The following REDIC1 variants were observed in gnomAD, a reference collection of about 807,000 sequenced individuals.
REDIC1 encodes HEI10 Interacting Protein 1.
the REDIC1 span, among the ~76,000 whole-genome samples, chr12:39,767,999 C>T: frequency 6.6e-6 from 1 of 152,084 alleles, no homozygotes; most frequent in Non-Finnish European, 1.5e-5. Context: ...TTATTTATAG[C>T]AGTGTGAGAC....
chr12:39,732,862 C>CTGTCTGGCATGACAAGG, the REDIC1 span, among the ~76,000 whole-genome samples: 1 of 152,286 alleles, frequency 6.6e-6, no homozygotes, highest in African/African-American at 2.4e-5. Context: ...AGCTTCCTTG[C>CTGTCTGGCATGACAAGG]TGTCTGGCAT....
chr12:39,681,648 G>C, the REDIC1 span, among the ~76,000 whole-genome samples: 5 of 152,098 alleles, frequency 3.3e-5, no homozygotes, highest in South Asian at 1.0e-3. Context: ...ACACCAATAA[G>C]GCCCTCATTG....
the REDIC1 span, among the ~76,000 whole-genome samples, chr12:39,659,053 C>CT: frequency 6.6e-6 from 1 of 151,998 alleles, no homozygotes; most frequent in African/African-American, 2.4e-5. Flanking sequence ...GTTTGAAAGA[C>CT]TTAACATTTC....
the REDIC1 span, among the ~76,000 whole-genome samples, chr12:39,789,874 T>C: frequency 2.0e-5 from 3 of 152,162 alleles, no homozygotes; most frequent in Non-Finnish European, 4.4e-5. Flanking sequence ...CATTTTCCAA[T>C]TGGACAGTTT....
the REDIC1 span, among the ~76,000 whole-genome samples, chr12:39,636,059 T>C: frequency 6.6e-6 from 1 of 152,144 alleles, no homozygotes; most frequent in East Asian, 1.9e-4. Context: ...ATTTTTTTTC[T>C]TCTTGAACTA....
At chr12:39,636,870 T>C in the REDIC1 span, among the ~76,000 whole-genome samples, 33 of 152,204 alleles carry the variant, frequency 2.2e-4, 1 homozygote, top group South Asian at 6.4e-3. Context: ...AAAATGTACA[T>C]GTTAGTGTTT....
the REDIC1 span, among the ~76,000 whole-genome samples, chr12:39,669,895 TG>T: frequency 0.054 from 8,185 of 152,280 alleles, 254 homozygotes; most frequent in Middle Eastern, 0.092. Context: ...CTAAGACTGT[TG>T]GAAAAGCACA....
the REDIC1 span, among the ~76,000 whole-genome samples, chr12:39,771,173 C>T: frequency 2.0e-5 from 3 of 152,118 alleles, no homozygotes; most frequent in Admixed American, 6.6e-5. Flanking sequence ...TCTGCCTCTG[C>T]GGGAGAGAGA....
At chr12:39,712,175 T>TACCTGTATGTATATGTACATGTATATAC in the REDIC1 span, among the ~76,000 whole-genome samples, 1 of 144,020 alleles carries the variant, frequency 6.9e-6, no homozygotes, top group African/African-American at 2.6e-5. Context: ...CATGTATATA[T>TACCTGTATGTATATGTACATGTATATAC]ACCTGTATGT....
At chr12:39,748,151 C>T in the REDIC1 span, among the ~76,000 whole-genome samples, 3 of 152,018 alleles carry the variant, frequency 2.0e-5, no homozygotes, top group Non-Finnish European at 4.4e-5. Context: ...GAGTCAAGAC[C>T]CATCAGTGTG....
chr12:39,785,332 CAG>C, the REDIC1 span, among the ~76,000 whole-genome samples: 1 of 152,190 alleles, frequency 6.6e-6, no homozygotes, highest in South Asian at 2.1e-4. Context: ...GCTGTGGCTT[CAG>C]AGAGTGGAAG....
the REDIC1 span, among the ~76,000 whole-genome samples, chr12:39,707,266 C>T: frequency 0.016 from 2,470 of 152,014 alleles, 65 homozygotes; most frequent in African/African-American, 0.054. Context: ...GGATGCTCAA[C>T]ATCACTGATC....
At chr12:39,896,464 A>G in the REDIC1 span, among the ~76,000 whole-genome samples, 1 of 144,382 alleles carries the variant, frequency 6.9e-6, no homozygotes, top group Non-Finnish European at 1.5e-5. Context: ...GTATATATGT[A>G]TACATATATG....
chr12:39,662,921 A>G, the REDIC1 span, among the ~76,000 whole-genome samples: 3 of 152,230 alleles, frequency 2.0e-5, no homozygotes, highest in East Asian at 1.9e-4. Flanking sequence ...GATGTTTTAT[A>G]TCACATTGAT....
the REDIC1 span, among the ~76,000 whole-genome samples, chr12:39,687,944 C>T: frequency 1.3e-5 from 2 of 152,214 alleles, no homozygotes; most frequent in African/African-American, 4.8e-5. Context: ...TGAGGTCACA[C>T]TCTCAAGCCA....
chr12:39,777,059 T>C, the REDIC1 span, among the ~76,000 whole-genome samples: 1 of 152,350 alleles, frequency 6.6e-6, no homozygotes, highest in South Asian at 2.1e-4. Context: ...ATACTGCTCA[T>C]ATTTTCTGGA....
At chr12:39,871,064 A>G in the REDIC1 span, among the ~76,000 whole-genome samples, 5 of 152,292 alleles carry the variant, frequency 3.3e-5, no homozygotes, top group African/African-American at 1.2e-4. Context: ...ATACATAGGA[A>G]TGTACTTGCA....
At chr12:39,902,931 T>C in the REDIC1 span, among the ~76,000 whole-genome samples, 2 of 152,106 alleles carry the variant, frequency 1.3e-5, no homozygotes, top group African/African-American at 2.4e-5. Flanking sequence ...CCCTGTTGAG[T>C]TGCACACAAA....
the REDIC1 span, among the ~76,000 whole-genome samples, chr12:39,673,228 A>G: frequency 4.6e-5 from 7 of 152,218 alleles, no homozygotes; most frequent in East Asian, 1.4e-3. Flanking sequence ...AAGTGTAACT[A>G]TCTACTGACT....
Sources: gnomAD v4.1 joint callset for allele counts (sites outside exome capture counted in the v4.1 genomes callset) on GRCh38, gnomAD v4.1.1 for gene constraint, MANE v1.5 for transcripts, NCBI Gene and HGNC (gene_info 2026-07-23, HGNC 2026-07-21) for gene names.